Variants in TCHHL1 observed in about 807,000 individuals in gnomAD.
TCHHL1 encodes the protein trichohyalin-like protein 1.
In TCHHL1, 1 loss-of-function variant was observed where a neutral mutation model predicts 3.5. That is an observed-to-expected ratio of 0.29 (90% confidence interval 0.10 to 1.36). TCHHL1 has a LOEUF of 1.36. Ranked by LOEUF, TCHHL1 falls within the 40% of genes most tolerant of loss-of-function variation. The probability of loss-of-function intolerance (pLI) is 0.43; values close to 1 mark genes in which losing one functional copy is unlikely to be tolerated. For synonymous variants in TCHHL1, 405 were observed against 375.3 expected (o/e 1.08, Z -0.92); for missense variants, 1,027 against 1,032.8 (o/e 0.99, Z 0.08).
rs1440782565 is a variant in TCHHL1, at chr1:152,086,460, G to A, written c.1222C>T (p.Arg408Cys). The change falls in exon 3 of 3, where the codon CGT becomes TGT. Residue 408 changes from arginine (R) to cysteine (C), a missense_variant. Transcript: ENST00000368806. ...ACTAGTGGCCGAGTTTTTCTGTCAC[G>A]TTCTTTCTGCCCTGCTGTTCCATGG... ...EAHGTAGQKE[R>C]DRKTRPLVLE... The A allele has an allele frequency of 5.0e-6, 8 of 1,613,936 alleles. No homozygotes were observed. The Admixed American group carries it at 5.0e-5, about 10-fold the overall frequency.
Position 152,085,722 on chromosome 1 carries a change from CTGGGTGTCCAT to C in TCHHL1, c.1949_1959del (p.Asn650ArgfsTer10). 1 of 1,614,192 alleles carries C rather than the reference CTGGGTGTCCAT, an allele frequency of 6.2e-7. No homozygotes were observed. Among genetic ancestry groups the C allele is most frequent in the Non-Finnish European group, 8.5e-7 (1 of 1,180,036 alleles). On this transcript the variant is annotated frameshift_variant, in exon 3 of 3. Transcript: ENST00000368806. LOFTEE classifies it low-confidence loss of function (END_TRUNC). ...TCTCCTGCTGTGGATTCCTGTGCTT[CTGGGTGTCCAT>C]TGGGCTCCACAGCTGCACCTGGGCC...
rs765044582 is a variant in TCHHL1 at position 152,086,725 on chromosome 1, C to T, written c.957G>A (p.Gln319=). 12 of 1,614,206 alleles carry T rather than the reference C, an allele frequency of 7.4e-6. No homozygotes were observed. The South Asian group carries it at 1.1e-4, about 15-fold the overall frequency. ...QAAARSPSQT[Q]KSTDSKDVCR... is the part of the protein sequence containing the mutation. Reference sequence around the variant, plus strand: ...AGACATCCTTGGAATCAGTTGATTTCTGTGTCTGAGATGGTGACCTGGCAG... The same window carrying T: ...AGACATCCTTGGAATCAGTTGATTTTTGTGTCTGAGATGGTGACCTGGCAG... Residue 319 remains glutamine (Q), a synonymous_variant, in exon 3 of 3, where the codon CAG becomes CAA. Transcript: ENST00000368806.
In TCHHL1 at chr1:152,088,061, A is replaced by G. The variant is rs371784696; in HGVS notation, c.83T>C (p.Leu28Pro). 3.8e-5 allele frequency: 61 copies of G among 1,611,528 alleles called. No homozygotes were observed. In the African/African-American group the frequency reaches 4.9e-4, roughly 13 times the overall value. Residue 28 changes from leucine (L) to proline (P), a missense_variant, in exon 2 of 3, where the codon CTG becomes CCG. By Grantham distance (98) the Leu-to-Pro change is moderately conservative (BLOSUM62 -3). Around this residue, in one of 3 missense-constraint regions of TCHHL1, gnomAD observed 338 missense variants for 335.9 expected, o/e 1.01. Coordinates refer to ENST00000368806, the MANE Select transcript of TCHHL1 (RefSeq NM_001008536.2). ...YASEDSNGATLTGRELKQLIQ... is the reference protein window; with the variant it reads ...YASEDSNGATPTGRELKQLIQ... Reference sequence around the variant, plus strand: ...GAGTTGTTTCAGCTCTCTGCCAGTCAGTGTTGCCCCGTTACTGTCCTCACT... The same window carrying G: ...GAGTTGTTTCAGCTCTCTGCCAGTCGGTGTTGCCCCGTTACTGTCCTCACT...
rs1376047259 is a variant in TCHHL1, at chr1:152,086,649, C to T, written c.1033G>A (p.Ala345Thr). 6.2e-7 allele frequency: 1 copy of T among 1,614,018 alleles called. No individual in the cohort carries two copies. Among genetic ancestry groups the T allele is most frequent in the Non-Finnish European group, 8.5e-7 (1 of 1,180,038 alleles). The change falls in exon 3 of 3, where the codon GCT becomes ACT. Residue 345 changes from alanine (A) to threonine (T), a missense_variant. This residue lies in a region of TCHHL1 where 673 missense variants were observed against 658.6 expected (regional missense o/e 1.02). Transcript: ENST00000368806. ...EPGKDADQTP[A>T]KTKNLGEPED... ...GGTTCACCCAAATTCTTTGTTTTAGCTGGTGTCTGGTCAGCATCCTTTCCT... is the reference window on the plus strand; with the variant it reads ...GGTTCACCCAAATTCTTTGTTTTAGTTGGTGTCTGGTCAGCATCCTTTCCT...
At chr1:152,088,493 A>G (rs1016315536) in intron 1 of TCHHL1, among the ~76,000 whole-genome samples, 1 of 152,234 alleles carries the variant, frequency 6.6e-6, no homozygotes, top group African/African-American at 2.4e-5. Flanking sequence ...AATGAAGCCA[A>G]TAGAGTTGGA....
At chr1:152,088,576 G>A (rs986496322) in intron 1 of TCHHL1, among the ~76,000 whole-genome samples, 8 of 152,182 alleles carry the variant, frequency 5.3e-5, no homozygotes, top group Non-Finnish European at 1.2e-4. Context: ...GCCTCCTGCG[G>A]TTAGGAGGGT....
rs140526562 is a variant in TCHHL1 at position 152,086,915 on chromosome 1, C to T, written c.767G>A (p.Gly256Glu). ...TGGTGAACTTTGGGTTGCCAAGTTTCCTTCCTGTTCTCCAAACTGGTCTCT... is the reference window on the plus strand; with the variant it reads ...TGGTGAACTTTGGGTTGCCAAGTTTTCTTCCTGTTCTCCAAACTGGTCTCT... ...KIRDQFGEQE[G>E]NLATQSSPPK... The change falls in exon 3 of 3, where the codon GGA (glycine) becomes GAA (glutamate). Residue 256 changes from glycine (G) to glutamate (E), a missense_variant. This residue lies in a region of TCHHL1 where 338 missense variants were observed against 335.9 expected (regional missense o/e 1.01). Coordinates refer to ENST00000368806, the MANE Select transcript of TCHHL1 (RefSeq NM_001008536.2). 6.2e-7 allele frequency: 1 copy of T among 1,614,138 alleles called. No individual in the cohort carries two copies. The highest frequency in any genetic ancestry group is 2.2e-5 in the East Asian group (1 of 44,874).
Position 152,087,512 on chromosome 1 carries a change from G to T in TCHHL1, c.170C>A (p.Ser57Ter). The change falls in exon 3 of 3, where the codon TCA (serine) becomes TAA (stop). Residue 57 changes from serine to a stop codon, truncating the protein, a stop_gained. Coordinates refer to ENST00000368806, the MANE Select transcript of TCHHL1 (RefSeq NM_001008536.2). LOFTEE classifies it low-confidence loss of function (END_TRUNC). ...ATTACTGTCAATATTCAGAAGATTTGAATTTTTTTCCACAGCATGAAGGAC... is the reference window on the plus strand; with the variant it reads ...ATTACTGTCAATATTCAGAAGATTTTAATTTTTTTCCACAGCATGAAGGAC... ...PCVLHAVEKN[S>*]NLLNIDSNGI... 6.3e-7 allele frequency: 1 copy of T among 1,598,680 alleles called. No homozygotes were observed. The highest frequency in any genetic ancestry group is 1.1e-5 in the South Asian group (1 of 90,702).
Position 152,086,172 on chromosome 1 carries a change from G to T in TCHHL1, c.1510C>A (p.Pro504Thr). ...GARERTQDLA[P>T]LEKQSVGENT... ...TCTCCTACAGACTGCTTCTCAAGTG[G>T]TGCTAAATCTTGTGTTCTTTCTCTT... Residue 504 changes from proline to threonine, a missense_variant, in exon 3 of 3, where the codon CCA (proline) becomes ACA (threonine). This residue lies in a region of TCHHL1 where 673 missense variants were observed against 658.6 expected (regional missense o/e 1.02). Coordinates refer to ENST00000368806, the MANE Select transcript of TCHHL1 (RefSeq NM_001008536.2). 3 of 1,614,050 alleles carry T rather than the reference G, an allele frequency of 1.9e-6. No homozygotes were observed. The highest frequency in any genetic ancestry group is 1.7e-6 in the Non-Finnish European group (2 of 1,180,044).
rs754834315 is a variant in TCHHL1, at chr1:152,085,851, C to T, written c.1831G>A (p.Val611Ile). ...GEKNRALEAV[V>I]PAVRGEDVQL... is the part of the protein sequence containing the mutation. ...ACATCCTCTCCTCTGACTGCTGGTA[C>T]CACTGCCTCCAGAGCTCTGTTTTTC... is the stretch of plus-strand genomic sequence containing the variant. Residue 611 changes from valine (V) to isoleucine (I), a missense_variant, in exon 3 of 3, where the codon GTA becomes ATA. Coordinates refer to ENST00000368806, the MANE Select transcript of TCHHL1 (RefSeq NM_001008536.2). 1 of 1,614,168 alleles carries T rather than the reference C, an allele frequency of 6.2e-7. No homozygotes were observed. The highest frequency in any genetic ancestry group is 8.5e-7 in the Non-Finnish European group (1 of 1,180,030).
chr1:152,086,100 C>T lies in TCHHL1; in HGVS notation c.1582G>A (p.Asp528Asn). Residue 528 changes from aspartate to asparagine, a missense_variant, in exon 3 of 3, where the codon GAT (aspartate) becomes AAT (asparagine). This residue lies in a region of TCHHL1 where 673 missense variants were observed against 658.6 expected (regional missense o/e 1.02). Transcript: ENST00000368806. Reference sequence around the variant, plus strand: ...TCAGGGTCCTCCCCCTGGTAACCATCCTCCTCCTCAACTGGTTGGTCATGA... The same window carrying T: ...TCAGGGTCCTCCCCCTGGTAACCATTCTCCTCCTCAACTGGTTGGTCATGA... ...KTHDQPVEEE[D>N]GYQGEDPESP... is the part of the protein sequence containing the mutation. 1 of 1,614,154 alleles carries T rather than the reference C, an allele frequency of 6.2e-7. No individual in the cohort carries two copies. Among genetic ancestry groups the T allele is most frequent in the Non-Finnish European group, 8.5e-7 (1 of 1,180,022 alleles).
At chr1:152,088,303 T>G in intron 1 of TCHHL1, 140 bp from the exon 2 acceptor site, 1 of 673,100 alleles carries the variant, frequency 1.5e-6, no homozygotes, top group Non-Finnish European at 2.2e-6. Flanking sequence ...ATATCTGAAC[T>G]CCAGGGGTGA....
chr1:152,086,379 A>C lies in TCHHL1; in HGVS notation c.1303T>G (p.Ser435Ala), dbSNP rs1316135462. The change falls in exon 3 of 3, where the codon TCA becomes GCA. Residue 435 changes from serine to alanine, a missense_variant. Ser to Ala is a moderately conservative substitution (Grantham distance 99). Coordinates refer to ENST00000368806, the MANE Select transcript of TCHHL1 (RefSeq NM_001008536.2). ...KYQELQGLSK[S>A]KDAEKGSETQ... The stretch of plus-strand genomic sequence containing the variant: ...TCAGAACCTTTTTCAGCATCTTTTG[A>C]TTTTGATAATCCTTGGAGTTCCTGA... 1 of 1,613,800 alleles carries C rather than the reference A, an allele frequency of 6.2e-7. No individual in the cohort carries two copies. The highest frequency in any genetic ancestry group is 1.7e-5 in the Admixed American group (1 of 59,988).
In TCHHL1 at chr1:152,086,594, T is replaced by C. The variant is rs1657733388; in HGVS notation, c.1088A>G (p.Gln363Arg). 6.2e-7 allele frequency: 1 copy of C among 1,614,064 alleles called. No homozygotes were observed. Among genetic ancestry groups the C allele is most frequent in the Admixed American group, 1.7e-5 (1 of 60,002 alleles). ...PEDYGRTSETQEKECETKDLP... is the reference protein window; with the variant it reads ...PEDYGRTSETREKECETKDLP... ...GTCCTTTGTTTCACATTCTTTTTCT[T>C]GGGTCTCAGATGTTCTGCCATAATC... Residue 363 changes from glutamine to arginine, a missense_variant, in exon 3 of 3, where the codon CAA becomes CGA. This residue lies in a region of TCHHL1 where 673 missense variants were observed against 658.6 expected (regional missense o/e 1.02). Coordinates refer to ENST00000368806, the MANE Select transcript of TCHHL1 (RefSeq NM_001008536.2).
intron 1 of TCHHL1, 37 bp from the exon 2 acceptor site, chr1:152,088,200 T>A: frequency 1.3e-6 from 2 of 1,500,462 alleles, no homozygotes; most frequent in South Asian, 2.8e-5. Context: ...TTTTCCAGGA[T>A]GGGTCCTTCA....
chr1:152,086,607 T>A lies in TCHHL1; in HGVS notation c.1075A>T (p.Thr359Ser). ...CATTCTTTTTCTTGGGTCTCAGATG[T>A]TCTGCCATAATCCTCAGGTTCACCC... ...NLGEPEDYGR[T>S]SETQEKECET... Residue 359 changes from threonine (T) to serine (S), a missense_variant, in exon 3 of 3, where the codon ACA becomes TCA. Thr to Ser is a moderately conservative substitution (Grantham distance 58). Transcript: ENST00000368806. 1 of 1,614,184 alleles carries A rather than the reference T, an allele frequency of 6.2e-7. No individual in the cohort carries two copies. Among genetic ancestry groups the A allele is most frequent in the South Asian group, 1.1e-5 (1 of 91,070 alleles).
At chr1:152,088,856 C>G (rs907035408) in intron 1 of TCHHL1, among the ~76,000 whole-genome samples, 164 bp downstream of exon 1, 1 of 151,986 alleles carries the variant, frequency 6.6e-6, no homozygotes, top group Non-Finnish European at 1.5e-5. Flanking sequence ...CAAAGAAGTT[C>G]CATAATCAAG....
At chr1:152,088,265 C>T (rs560919898) in intron 1 of TCHHL1, 102 bp from the exon 2 acceptor site, 12 of 1,000,350 alleles carry the variant, frequency 1.2e-5, no homozygotes, top group Non-Finnish European at 1.5e-5. Context: ...CACTGCAACC[C>T]CTGCTCTATT....
At chr1:152,087,844 A>T (rs749987879) in intron 2 of TCHHL1, among the ~76,000 whole-genome samples, 162 bp downstream of exon 2, 4 of 152,252 alleles carry the variant, frequency 2.6e-5, no homozygotes, top group Non-Finnish European at 4.4e-5. Context: ...GTAATTGCAC[A>T]GAGTATGGAA....
Sources: allele counts gnomAD v4.1 joint callset (sites outside exome capture counted in the v4.1 genomes callset), GRCh38; gene constraint gnomAD v4.1.1; regional missense constraint gnomAD v4.1.1; transcripts MANE v1.5; gene names NCBI Gene and HGNC (gene_info 2026-07-23, HGNC 2026-07-21).